The following MIB1 variants were observed in gnomAD, a reference collection of about 807,000 sequenced individuals.
MIB1 encodes the protein E3 ubiquitin-protein ligase MIB1.
A neutral mutation model predicts 124.5 loss-of-function variants in MIB1; 278 were observed. That is an observed-to-expected ratio of 2.23 (90% CI 2.02 to 2.47). MIB1 has a LOEUF of 2.47. Ranked by LOEUF, MIB1 falls within the 30% of genes most tolerant of loss-of-function variation. The pLI is 0.00. For synonymous variants in MIB1, 446 were observed against 429.4 expected (o/e 1.04, Z -0.48); for missense variants, 957 against 1,254.4 (o/e 0.76, Z 3.58).
At chr18:21,799,169 A>G (rs2041621436) in intron 8 of MIB1, among the ~76,000 whole-genome samples, 1 of 152,066 alleles carries the variant, frequency 6.6e-6, no homozygotes, top group African/African-American at 2.4e-5. Flanking sequence ...TCTCTGCTTT[A>G]TAATAAGTAC....
intron 12 of MIB1, among the ~76,000 whole-genome samples, chr18:21,836,276 T>G (rs956570450): frequency 6.7e-6 from 1 of 149,966 alleles, no homozygotes; most frequent in African/African-American, 2.4e-5. Flanking sequence ...ACAAAAGGTT[T>G]TTTTTTTTTT....
chr18:21,782,186 G>A (rs2146430383), intron 6 of MIB1, among the ~76,000 whole-genome samples: 1 of 152,138 alleles, frequency 6.6e-6, no homozygotes, highest in Admixed American at 6.5e-5. Context: ...GCAATGGCGC[G>A]ATCTCAGCTC....
intron 10 of MIB1, among the ~76,000 whole-genome samples, chr18:21,812,736 C>G (rs1227881195): frequency 6.6e-6 from 1 of 152,040 alleles, no homozygotes; most frequent in African/African-American, 2.4e-5. Context: ...AAACACGATC[C>G]GTTTTAGATT....
chr18:21,809,642 T>C (rs2041748138), intron 10 of MIB1, among the ~76,000 whole-genome samples: 1 of 152,096 alleles, frequency 6.6e-6, no homozygotes, highest in South Asian at 2.1e-4. Context: ...AACAAAATGA[T>C]GGGGAAAAAC....
intron 10 of MIB1, among the ~76,000 whole-genome samples, chr18:21,813,657 C>T (rs1042417918): frequency 7.9e-5 from 12 of 152,116 alleles, no homozygotes; most frequent in African/African-American, 2.4e-4. Context: ...ACGCAAAGAC[C>T]AAAAACTACT....
At chr18:21,837,045 A>G (rs1313991990) in intron 12 of MIB1, among the ~76,000 whole-genome samples, 1 of 152,184 alleles carries the variant, frequency 6.6e-6, no homozygotes, top group Non-Finnish European at 1.5e-5. Context: ...CTCACCCAAA[A>G]TTGTATTAAT....
intron 1 of MIB1, among the ~76,000 whole-genome samples, chr18:21,719,596 G>A (rs996290805): frequency 6.6e-6 from 1 of 150,754 alleles, no homozygotes; most frequent in Non-Finnish European, 1.5e-5. Flanking sequence ...ATGGGTATAC[G>A]TCACCACGCT....
At chr18:21,720,791 A>T (rs756128495) in intron 1 of MIB1, among the ~76,000 whole-genome samples, 1 of 152,156 alleles carries the variant, frequency 6.6e-6, no homozygotes, top group Admixed American at 6.6e-5. Context: ...TCTACAAAAA[A>T]TAAGAAATAA....
intron 1 of MIB1, among the ~76,000 whole-genome samples, chr18:21,711,088 A>G (rs549607766): frequency 1.1e-4 from 16 of 151,924 alleles, no homozygotes; most frequent in African/African-American, 3.4e-4. Flanking sequence ...CGGCCTCCCA[A>G]AGTGCTGGGA....
chr18:21,705,294 C>G (rs1389819373), intron 1 of MIB1, among the ~76,000 whole-genome samples: 1 of 152,222 alleles, frequency 6.6e-6, no homozygotes. Flanking sequence ...CTGAATCACT[C>G]TGTGAATCTT....
At chr18:21,853,374 C>T (rs950571501) in intron 18 of MIB1, among the ~76,000 whole-genome samples, 156 bp downstream of exon 18, 3 of 152,166 alleles carry the variant, frequency 2.0e-5, no homozygotes, top group South Asian at 2.1e-4. Context: ...TGTACTAGAA[C>T]GTCAGCTGTT....
At chr18:21,819,932 A>G (rs903619489) in intron 12 of MIB1, among the ~76,000 whole-genome samples, 1 of 152,168 alleles carries the variant, frequency 6.6e-6, no homozygotes, top group African/African-American at 2.4e-5. Flanking sequence ...TTATTTTGAG[A>G]TTTATGTTTC....
In MIB1 at chr18:21,799,892, A is replaced by G; in HGVS notation, c.1289A>G (p.Asp430Gly). 2 of 1,612,442 alleles carry G rather than the reference A, an allele frequency of 1.2e-6. No homozygotes were observed. Among genetic ancestry groups the G allele is most frequent in the Non-Finnish European group, 1.7e-6 (2 of 1,178,862 alleles). ...KKLFETQESGDLNEELVKAAA... is the reference protein window; with the variant it reads ...KKLFETQESGGLNEELVKAAA... ...TTATTTGAAACCCAAGAATCTGGTG[A>G]CCTCAATGAAGAATTAGTTAAGGCT... Residue 430 changes from aspartate (D) to glycine (G), a missense_variant, in exon 9 of 21, where the codon GAC (aspartate) becomes GGC (glycine). By Grantham distance (94) the Asp-to-Gly change is moderately conservative. Transcript: ENST00000261537.
At chr18:21,771,969 C>T (rs577951970) in intron 3 of MIB1, among the ~76,000 whole-genome samples, 84 of 151,762 alleles carry the variant, frequency 5.5e-4, no homozygotes, top group Non-Finnish European at 1.1e-3. Context: ...CATTGCACTC[C>T]AGCCTGGGTG....
At chr18:21,786,580 G>T (rs1216217343) in intron 6 of MIB1, among the ~76,000 whole-genome samples, 2 of 150,856 alleles carry the variant, frequency 1.3e-5, no homozygotes, top group Admixed American at 1.3e-4. Context: ...CATTGACTCA[G>T]TTTTGCTTTT....
Position 21,864,584 on chromosome 18 carries a change from G to A in MIB1, c.2939G>A (p.Gly980Glu). Reference protein sequence around the residue: ...LKNMIFLCGHGTCQLCGDRMS... With the variant: ...LKNMIFLCGHETCQLCGDRMS... ...AATATGATTTTCCTTTGTGGTCACG[G>A]AACCTGTCAACTCTGTGGAGACCGC... The change falls in exon 21 of 21, where the codon GGA becomes GAA. Residue 980 changes from glycine to glutamate, a missense_variant. Gly to Glu is a moderately conservative substitution (Grantham distance 98). Coordinates refer to ENST00000261537, the MANE Select transcript of MIB1 (RefSeq NM_020774.4). 1 of 1,613,724 alleles carries A rather than the reference G, an allele frequency of 6.2e-7. No homozygotes were observed. The highest frequency in any genetic ancestry group is 8.5e-7 in the Non-Finnish European group (1 of 1,179,672).
chr18:21,755,993 A>G (rs968142908), intron 1 of MIB1, among the ~76,000 whole-genome samples: 1 of 152,214 alleles, frequency 6.6e-6, no homozygotes, highest in Non-Finnish European at 1.5e-5. Context: ...GCTAGTGATA[A>G]TAAATCCCGA....
chr18:21,832,825 A>G (rs994646532), intron 12 of MIB1, among the ~76,000 whole-genome samples: 8 of 152,316 alleles, frequency 5.3e-5, no homozygotes, highest in Middle Eastern at 3.4e-3. Flanking sequence ...AGAAGATGAC[A>G]TGTCTCAGAG....
intron 1 of MIB1, among the ~76,000 whole-genome samples, chr18:21,734,222 T>C (rs1172796870): frequency 2.0e-5 from 3 of 151,246 alleles, no homozygotes; most frequent in African/African-American, 7.3e-5. Flanking sequence ...TTCTGCTGCC[T>C]CAGCCTCCCA....
Sources: gnomAD v4.1 joint callset for allele counts (sites outside exome capture counted in the v4.1 genomes callset) on GRCh38, gnomAD v4.1.1 for gene constraint, MANE v1.5 for transcripts, NCBI Gene and HGNC (gene_info 2026-07-23, HGNC 2026-07-21) for gene names.